Variants in TEKT5 observed in about 807,000 individuals in gnomAD.
The protein encoded by TEKT5 is tektin-5.
Under a neutral mutation model 48.7 loss-of-function variants are expected in TEKT5, and 52 were observed. That is an observed-to-expected ratio of 1.07 (90% CI 0.86 to 1.35). The LOEUF is 1.35. TEKT5 is among the 40% of genes most tolerant of loss of function. The pLI is 0.00. For missense variants in TEKT5, 831 were observed against 641.6 expected (o/e 1.30, Z -3.19); for synonymous variants, 318 against 267.6 (o/e 1.19, Z -1.84).
chr16:10,639,073 A>C (rs181983568), intron 5 of TEKT5, among the ~76,000 whole-genome samples: 3,349 of 152,124 alleles, frequency 0.022, 127 homozygotes, highest in African/African-American at 0.077. Flanking sequence ...GGGAGGCCAA[A>C]GTGGTGGAAT....
At chr16:10,654,521 T>G (rs1396291064) in intron 5 of TEKT5, among the ~76,000 whole-genome samples, 1 of 152,166 alleles carries the variant, frequency 6.6e-6, no homozygotes, top group Non-Finnish European at 1.5e-5. Flanking sequence ...ATGTCCAACG[T>G]AGGCAGGCAT....
chr16:10,632,814 C>T (rs1420330094), intron 6 of TEKT5, among the ~76,000 whole-genome samples: 1 of 151,642 alleles, frequency 6.6e-6, no homozygotes, highest in Non-Finnish European at 1.5e-5. Flanking sequence ...CTATCATCTG[C>T]TCAATTCCGA....
chr16:10,638,935 A>G (rs553610724), intron 5 of TEKT5, among the ~76,000 whole-genome samples: 4 of 152,360 alleles, frequency 2.6e-5, no homozygotes, highest in African/African-American at 9.6e-5. Flanking sequence ...TTTGTTCAAT[A>G]CCGTCTACCT....
rs117287108 is a variant in TEKT5, at chr16:10,650,559, G to A, written c.1087-14641C>T. 1.2e-3 allele frequency among the ~76,000 whole-genome samples: 177 copies of A among 152,124 alleles called. 1 individual carries two copies. In the East Asian group the frequency reaches 0.031, roughly 26 times the overall value. Reference sequence around the variant, plus strand: ...ATCTTGTCCAGACTCTGTCACTCAAGGCCAGGGTCATCTTCATTAGAAGGG... The same window carrying A: ...ATCTTGTCCAGACTCTGTCACTCAAAGCCAGGGTCATCTTCATTAGAAGGG... On this transcript the variant is annotated intron_variant, in intron 5 of 6. Transcript: ENST00000283025.
At chr16:10,680,454 G>C (rs934856508) in intron 4 of TEKT5, among the ~76,000 whole-genome samples, 2 of 114,338 alleles carry the variant, frequency 1.7e-5, no homozygotes, top group African/African-American at 8.0e-5. Flanking sequence ...CTATGTGCTA[G>C]GGATTTTTTT....
At chr16:10,694,046 A>G (rs1037599312) in intron 1 of TEKT5, among the ~76,000 whole-genome samples, 1 of 152,232 alleles carries the variant, frequency 6.6e-6, no homozygotes, top group Non-Finnish European at 1.5e-5. Flanking sequence ...GGCATGCATA[A>G]GTATGCACAC....
At chr16:10,661,665 A>G (rs1011773995) in intron 5 of TEKT5, among the ~76,000 whole-genome samples, 3 of 152,152 alleles carry the variant, frequency 2.0e-5, no homozygotes, top group East Asian at 3.9e-4. Context: ...AGGACTTGAG[A>G]ACTTATGGAA....
At chr16:10,643,009 T>C (rs1898016968) in intron 5 of TEKT5, among the ~76,000 whole-genome samples, 1 of 152,190 alleles carries the variant, frequency 6.6e-6, no homozygotes. Context: ...ATGTTTGAGA[T>C]GACGGAAATG....
intron 5 of TEKT5, among the ~76,000 whole-genome samples, chr16:10,664,025 TGA>T (rs1222053107): frequency 6.6e-6 from 1 of 152,062 alleles, no homozygotes; most frequent in Non-Finnish European, 1.5e-5. Flanking sequence ...CTTTCTTGCC[TGA>T]GAGACCAATA....
chr16:10,669,246 T>A (rs1898513528), intron 5 of TEKT5, among the ~76,000 whole-genome samples: 1 of 151,744 alleles, frequency 6.6e-6, no homozygotes, highest in African/African-American at 2.4e-5. Flanking sequence ...GGCCGGTGGA[T>A]CACCTGAAGA....
intron 5 of TEKT5, among the ~76,000 whole-genome samples, chr16:10,649,220 G>A (rs1898115972): frequency 6.6e-6 from 1 of 151,606 alleles, no homozygotes; most frequent in African/African-American, 2.4e-5. Flanking sequence ...CTGGGCTCAG[G>A]TGATGTTCCC....
At chr16:10,665,452 G>A (rs1567231501) in intron 5 of TEKT5, among the ~76,000 whole-genome samples, 1 of 152,172 alleles carries the variant, frequency 6.6e-6, no homozygotes, top group African/African-American at 2.4e-5. Context: ...AAATGAGCTA[G>A]AAACAGTCTC....
intron 3 of TEKT5, among the ~76,000 whole-genome samples, chr16:10,684,042 T>C (rs189291407): frequency 1.3e-5 from 2 of 152,342 alleles, no homozygotes; most frequent in East Asian, 1.9e-4. Flanking sequence ...AAATCCTAGC[T>C]AGAATCTATT....
intron 3 of TEKT5, among the ~76,000 whole-genome samples, chr16:10,683,140 A>AGGG: frequency 6.6e-6 from 1 of 151,752 alleles, no homozygotes; most frequent in African/African-American, 2.4e-5. Context: ...AAGGCTTTCC[A>AGGG]AGGTGTCTGA....
At chr16:10,665,495 C>T (rs1898442380) in intron 5 of TEKT5, among the ~76,000 whole-genome samples, 1 of 152,198 alleles carries the variant, frequency 6.6e-6, no homozygotes, top group African/African-American at 2.4e-5. Flanking sequence ...TTCGTTCTCT[C>T]CATCTCCTGC....
At chr16:10,674,654 A>G (rs913710528) in intron 5 of TEKT5, among the ~76,000 whole-genome samples, 1 of 150,438 alleles carries the variant, frequency 6.6e-6, no homozygotes, top group East Asian at 1.9e-4. Context: ...GAGAGAGAAG[A>G]AAAGAAAAAT....
Position 10,682,012 on chromosome 16 carries a change from T to C in TEKT5, c.844A>G (p.Met282Val). The change falls in exon 4 of 7, where the codon ATG becomes GTG. Residue 282 changes from methionine to valine, a missense_variant. By Grantham distance (21) the Met-to-Val change is conservative (BLOSUM62 1). Coordinates refer to ENST00000283025, the MANE Select transcript of TEKT5 (RefSeq NM_144674.2). The part of the protein sequence containing the change: ...TSDCISFFHG[M>V]EKIDGTISVP... ...ACTTACGTGCCGTCAATTTTCTCCA[T>C]GCCGTGGAAGAAGCTGATGCAGTCT... The C allele has an allele frequency of 1.2e-6, 2 of 1,614,056 alleles. No homozygotes were observed. The highest frequency in any genetic ancestry group is 2.2e-5 in the South Asian group (2 of 91,062).
At chr16:10,692,040 T>A (rs1020306457) in intron 1 of TEKT5, among the ~76,000 whole-genome samples, 12 of 151,832 alleles carry the variant, frequency 7.9e-5, no homozygotes, top group African/African-American at 2.9e-4. Context: ...GGAGCAGGAA[T>A]TGGGAGACCA....
rs570531726 is a variant in TEKT5 at position 10,681,010 on chromosome 16, A to G, written c.863+983T>C. On this transcript the variant is annotated intron_variant, in intron 4 of 6. Coordinates refer to ENST00000283025, the MANE Select transcript of TEKT5 (RefSeq NM_144674.2). ...TGTATCCTAAAACTTAAAGTATAAT[A>G]ATAATAATAAATAAATAAATAAGAA... Among the ~76,000 whole-genome samples the G allele has an allele frequency of 1.3e-3, 195 of 149,004 alleles. 2 individuals carry two copies. Among genetic ancestry groups the G allele is most frequent in the Non-Finnish European group, 1.8e-3 (123 of 67,406 alleles).
Sources: allele counts gnomAD v4.1 joint callset (sites outside exome capture counted in the v4.1 genomes callset), GRCh38; gene constraint gnomAD v4.1.1; transcripts MANE v1.5; gene names NCBI Gene and HGNC (gene_info 2026-07-23, HGNC 2026-07-21).